Variants in ADAMTSL3 observed in about 807,000 individuals in gnomAD.
ADAMTSL3 encodes the protein ADAMTS-like protein 3.
Under a neutral mutation model 201.7 loss-of-function variants are expected in ADAMTSL3, and 128 were observed. The observed-to-expected ratio is 0.63, with a 90% CI of 0.55 to 0.73. ADAMTSL3 has a LOEUF of 0.73. Among genes scored for constraint, ADAMTSL3 ranks in the 30% least tolerant of loss-of-function variants. The probability of loss-of-function intolerance (pLI) is 0.00; values close to 1 mark genes in which losing one functional copy is unlikely to be tolerated. For missense variants in ADAMTSL3, 1,990 were observed against 2,119.6 expected (o/e 0.94, Z 1.20); for synonymous variants, 738 against 748.4 (o/e 0.99, Z 0.23).
At chr15:83,669,101 T>A (rs186636637) in intron 2 of ADAMTSL3, among the ~76,000 whole-genome samples, 1 of 152,296 alleles carries the variant, frequency 6.6e-6, no homozygotes, top group Admixed American at 6.5e-5. Context: ...GGGAGTGTGC[T>A]CCACCCATGG....
intron 4 of ADAMTSL3, among the ~76,000 whole-genome samples, chr15:83,800,815 T>C (rs988818353): frequency 2.0e-5 from 3 of 152,202 alleles, no homozygotes; most frequent in Admixed American, 6.5e-5. Flanking sequence ...CCCTAATCTG[T>C]TAGCAACTTC....
intron 23 of ADAMTSL3, among the ~76,000 whole-genome samples, chr15:83,992,363 T>G (rs1471261156): frequency 6.6e-6 from 1 of 152,226 alleles, no homozygotes. Context: ...CCCTGCAGTG[T>G]TTGGCCTATG....
At chr15:83,925,232 G>A (rs1037263998) in intron 17 of ADAMTSL3, among the ~76,000 whole-genome samples, 4 of 152,156 alleles carry the variant, frequency 2.6e-5, no homozygotes, top group African/African-American at 9.7e-5. Flanking sequence ...AGCCCGCACA[G>A]TCTCAGGAGG....
At chr15:83,718,582 T>A (rs2062051471) in intron 3 of ADAMTSL3, among the ~76,000 whole-genome samples, 1 of 151,194 alleles carries the variant, frequency 6.6e-6, no homozygotes, top group South Asian at 2.1e-4. Context: ...TGCATGGCTA[T>A]ATAATCCCAG....
intron 3 of ADAMTSL3, among the ~76,000 whole-genome samples, chr15:83,759,840 CATAAT>C (rs2062780878): frequency 6.6e-6 from 1 of 152,048 alleles, no homozygotes; most frequent in Non-Finnish European, 1.5e-5. Flanking sequence ...TAATATATTT[CATAAT>C]ATGAAATATA....
intron 3 of ADAMTSL3, among the ~76,000 whole-genome samples, chr15:83,724,860 A>C (rs774988334): frequency 2.0e-5 from 3 of 152,078 alleles, no homozygotes; most frequent in Non-Finnish European, 4.4e-5. Context: ...AGTTTCATCC[A>C]TGTCATTGCA....
intron 15 of ADAMTSL3, 83 bp downstream of exon 15, chr15:83,899,814 A>G: frequency 2.0e-6 from 3 of 1,496,310 alleles, no homozygotes; most frequent in Non-Finnish European, 1.8e-6. Flanking sequence ...ATTGGAGTAC[A>G]GTGATACATT....
chr15:83,855,046 G>C (rs557708252), intron 7 of ADAMTSL3, among the ~76,000 whole-genome samples: 1 of 152,274 alleles, frequency 6.6e-6, no homozygotes, highest in Non-Finnish European at 1.5e-5. Context: ...GTGTGTCTGT[G>C]TGTGTGTGCA....
chr15:83,773,049 A>T (rs935860353), intron 3 of ADAMTSL3, among the ~76,000 whole-genome samples: 2 of 152,228 alleles, frequency 1.3e-5, no homozygotes, highest in African/African-American at 4.8e-5. Flanking sequence ...GTGGAAAGGC[A>T]TGCATGTGTC....
chr15:84,027,229 A>G (rs1360642960), intron 27 of ADAMTSL3, among the ~76,000 whole-genome samples: 1 of 152,204 alleles, frequency 6.6e-6, no homozygotes, highest in Non-Finnish European at 1.5e-5. Flanking sequence ...ATAGTGACAA[A>G]TGTTGATGAG....
At position 83,891,476 on chromosome 15, in the gene ADAMTSL3, A is replaced by G. The variant is rs2065497383; in HGVS notation, c.1262+97A>G. On this transcript the variant is annotated intron_variant, in intron 12 of 29. Transcript: ENST00000286744. Reference sequence around the variant, plus strand: ...AGCCTAAAATGTATGAGGGTTAGATATTAAATACTTTATAGAGCTAAGGGA... The same window carrying G: ...AGCCTAAAATGTATGAGGGTTAGATGTTAAATACTTTATAGAGCTAAGGGA... The G allele has an allele frequency of 6.9e-6, 7 of 1,013,138 alleles. No individual in the cohort carries two copies. The East Asian group carries it at 1.4e-4, about 21-fold the overall frequency. 62.8% of individuals were successfully genotyped at this position (1,013,138 alleles called of 1,614,324 possible). A position where few individuals can be genotyped will look rare whatever the true frequency, so the allele number is the denominator to read the frequency against.
intron 20 of ADAMTSL3, among the ~76,000 whole-genome samples, chr15:83,974,161 C>T (rs1317507275): frequency 6.6e-6 from 1 of 152,196 alleles, no homozygotes; most frequent in Non-Finnish European, 1.5e-5. Context: ...AACACAAACC[C>T]TACCTTCCCC....
At chr15:83,824,952 A>G (rs1190103581) in intron 6 of ADAMTSL3, 2 of 152,310 alleles carry the variant, frequency 1.3e-5, no homozygotes, top group Admixed American at 1.3e-4. Context: ...GTATCATAAA[A>G]TTGTATCATA....
intron 6 of ADAMTSL3, 67 bp downstream of exon 6, chr15:83,820,114 C>T (rs2063837891): frequency 1.5e-6 from 2 of 1,350,792 alleles, no homozygotes; most frequent in Non-Finnish European, 2.1e-6. Context: ...ATAAACAGAA[C>T]CCTTTTCTTC....
intron 19 of ADAMTSL3, among the ~76,000 whole-genome samples, chr15:83,943,974 T>A (rs558670028): frequency 4.4e-4 from 67 of 152,068 alleles, no homozygotes; most frequent in Non-Finnish European, 7.5e-4. Flanking sequence ...TGTTTTTTTT[T>A]ATCTGATAAC....
chr15:83,716,337 T>A (rs1248893173), intron 3 of ADAMTSL3, among the ~76,000 whole-genome samples: 1 of 113,352 alleles, frequency 8.8e-6, no homozygotes, highest in Non-Finnish European at 1.7e-5. Context: ...ACCCTGTCTC[T>A]ACTAAAAACA....
intron 2 of ADAMTSL3, chr15:83,694,507 C>T (rs1380322373): frequency 6.6e-6 from 1 of 152,110 alleles, no homozygotes; most frequent in Non-Finnish European, 1.5e-5. Flanking sequence ...TTCCATGTGA[C>T]ATTTTGCTAA....
intron 11 of ADAMTSL3, 87 bp from the exon 12 acceptor site, chr15:83,891,242 C>T: frequency 8.4e-7 from 1 of 1,184,004 alleles, no homozygotes; most frequent in Non-Finnish European, 1.2e-6. Context: ...AGCTCTGTCT[C>T]TTGGGATGTC....
At chr15:83,845,085 C>T (rs2064467944) in intron 7 of ADAMTSL3, among the ~76,000 whole-genome samples, 1 of 152,252 alleles carries the variant, frequency 6.6e-6, no homozygotes, top group African/African-American at 2.4e-5. Context: ...GACCATGTGT[C>T]TCCCTGCTCT....
Sources: allele counts gnomAD v4.1 joint callset (sites outside exome capture counted in the v4.1 genomes callset), GRCh38; gene constraint gnomAD v4.1.1; transcripts MANE v1.5; gene names NCBI Gene and HGNC (gene_info 2026-07-23, HGNC 2026-07-21).